The following SMAP1 variants were observed in gnomAD, a reference collection of about 807,000 sequenced individuals.
SMAP1 encodes the protein small ArfGAP 1, also known as stromal membrane-associated protein 1.
In SMAP1, 24 loss-of-function variants were observed where a neutral mutation model predicts 58.5. The observed-to-expected ratio is 0.41, with a 90% CI of 0.30 to 0.58. The LOEUF (loss-of-function observed/expected upper bound fraction) is 0.58, where lower values mean the gene tolerates loss of function less well. Among genes scored for constraint, SMAP1 ranks in the 20% least tolerant of loss-of-function variants. The pLI is 0.29. For missense variants in SMAP1, 563 were observed against 566.3 expected, an observed-to-expected ratio of 0.99 and a Z score of 0.06; for synonymous variants, 216 against 196.6, an observed-to-expected ratio of 1.10 and a Z score of -0.82.
chr6:70,733,341 T>A (rs1379286251), intron 2 of SMAP1, among the ~76,000 whole-genome samples: 2 of 152,196 alleles, frequency 1.3e-5, no homozygotes, highest in African/African-American at 4.8e-5. Flanking sequence ...GCATAATTTA[T>A]TTGGTTCCAT....
intron 3 of SMAP1, among the ~76,000 whole-genome samples, chr6:70,766,316 A>C (rs940010858): frequency 2.0e-5 from 3 of 152,314 alleles, no homozygotes; most frequent in African/African-American, 4.8e-5. Context: ...CTGAGGAATC[A>C]ACACACTGAC....
At chr6:70,699,325 C>T (rs1268440258) in intron 1 of SMAP1, among the ~76,000 whole-genome samples, 1 of 152,202 alleles carries the variant, frequency 6.6e-6, no homozygotes, top group East Asian at 1.9e-4. Flanking sequence ...GTGACCACCA[C>T]CACTGGGACT....
intron 3 of SMAP1, among the ~76,000 whole-genome samples, chr6:70,770,181 A>G (rs1767212344): frequency 6.6e-6 from 1 of 150,872 alleles, no homozygotes; most frequent in Non-Finnish European, 1.5e-5. Flanking sequence ...TGCCCTTAAC[A>G]TTTTTTCCTG....
intron 7 of SMAP1, among the ~76,000 whole-genome samples, chr6:70,850,166 A>T (rs1771130666): frequency 6.6e-6 from 1 of 152,332 alleles, no homozygotes; most frequent in East Asian, 1.9e-4. Flanking sequence ...ACAGTTTATA[A>T]AAGTAATAAG....
chr6:70,780,010 A>G (rs1234293608), intron 4 of SMAP1, among the ~76,000 whole-genome samples: 1 of 152,032 alleles, frequency 6.6e-6, no homozygotes, highest in Non-Finnish European at 1.5e-5. Context: ...AAGTGAGTTG[A>G]TGTACTTCAA....
intron 1 of SMAP1, among the ~76,000 whole-genome samples, chr6:70,680,518 G>A (rs1257076866): frequency 6.6e-6 from 1 of 152,014 alleles, no homozygotes; most frequent in African/African-American, 2.4e-5. Context: ...ATTCATAATA[G>A]CCAAACACTG....
At chr6:70,740,200 C>T (rs1765757729) in intron 2 of SMAP1, among the ~76,000 whole-genome samples, 2 of 152,100 alleles carry the variant, frequency 1.3e-5, no homozygotes, top group Non-Finnish European at 2.9e-5. Context: ...AGGAGGAAGT[C>T]CTATTCAAGA....
intron 3 of SMAP1, 53 bp downstream of exon 3, chr6:70,755,118 A>G: frequency 1.5e-6 from 2 of 1,361,846 alleles, no homozygotes; most frequent in Non-Finnish European, 2.1e-6. Flanking sequence ...ACTCATTTTT[A>G]CAGTTCATAT....
intron 6 of SMAP1, among the ~76,000 whole-genome samples, chr6:70,811,714 A>G (rs1015038969): frequency 6.6e-6 from 1 of 152,156 alleles, no homozygotes; most frequent in Non-Finnish European, 1.5e-5. Flanking sequence ...AATACAGTAC[A>G]ATGCCTGCAG....
chr6:70,731,867 C>T (rs1335334068), intron 1 of SMAP1, among the ~76,000 whole-genome samples: 1 of 152,112 alleles, frequency 6.6e-6, no homozygotes, highest in Non-Finnish European at 1.5e-5. Context: ...ACCAGTGAGA[C>T]TGTGCATATT....
intron 2 of SMAP1, chr6:70,735,013 G>A (rs1478251229): frequency 2.6e-5 from 4 of 152,990 alleles, no homozygotes; most frequent in Non-Finnish European, 4.4e-5. Context: ...TGATACTGGT[G>A]AGTGTCTGGA....
At chr6:70,788,314 G>T (rs183536496) in intron 4 of SMAP1, among the ~76,000 whole-genome samples, 3 of 105,974 alleles carry the variant, frequency 2.8e-5, no homozygotes, top group Admixed American at 1.2e-4. Context: ...GTGGGGGGAG[G>T]GGGGAGGGAT....
chr6:70,852,690 A>G (rs375035690), intron 8 of SMAP1, 26 bp downstream of exon 8: 2 of 1,532,994 alleles, frequency 1.3e-6, no homozygotes, highest in East Asian at 2.4e-5. Flanking sequence ...ATGGTTTTAT[A>G]TGGTCACTGC....
intron 6 of SMAP1, among the ~76,000 whole-genome samples, chr6:70,810,640 G>A (rs1769346317): frequency 6.6e-6 from 1 of 152,086 alleles, no homozygotes; most frequent in African/African-American, 2.4e-5. Flanking sequence ...GCAGTGGTGT[G>A]ATCATAGCTC....
At position 70,668,053 on chromosome 6, in the gene SMAP1, T is replaced by A. The variant is rs17694576; in HGVS notation, c.30T>A (p.Ala10=). MATRSCREK[A]QKLNEQHQLI... ...CGACGCGCTCCTGTCGGGAGAAGGC[T>A]CAGAAGCTGAACGAGCAGCACCAGC... The change falls in exon 1 of 11, where the codon GCT becomes GCA. Residue 10 remains alanine (A), a synonymous_variant. Transcript: ENST00000370455. The A allele has an allele frequency of 2.2e-5, 36 of 1,603,318 alleles. No individual in the cohort carries two copies. Among genetic ancestry groups the A allele is most frequent in the Non-Finnish European group, 3.1e-5 (36 of 1,175,846 alleles).
intron 1 of SMAP1, among the ~76,000 whole-genome samples, chr6:70,692,184 C>G (rs1484711441): frequency 6.6e-6 from 1 of 152,160 alleles, no homozygotes; most frequent in Non-Finnish European, 1.5e-5. Flanking sequence ...CTCTGATAAT[C>G]AGTGATGTTG....
intron 6 of SMAP1, among the ~76,000 whole-genome samples, chr6:70,801,746 T>A (rs915412173): frequency 6.6e-6 from 1 of 152,236 alleles, no homozygotes; most frequent in Non-Finnish European, 1.5e-5. Flanking sequence ...TAGCCAGTTT[T>A]CCCAGCACCA....
chr6:70,693,181 A>T (rs905624515), intron 1 of SMAP1, among the ~76,000 whole-genome samples: 1 of 151,756 alleles, frequency 6.6e-6, no homozygotes, highest in Non-Finnish European at 1.5e-5. Context: ...GAAGATCTGT[A>T]GTATAATTTG....
chr6:70,834,638 C>T (rs1770496539), intron 6 of SMAP1, among the ~76,000 whole-genome samples: 1 of 152,130 alleles, frequency 6.6e-6, no homozygotes, highest in Non-Finnish European at 1.5e-5. Context: ...AATGAAGACC[C>T]ACCCCAGGAA....
Sources: gnomAD v4.1 joint callset for allele counts (sites outside exome capture counted in the v4.1 genomes callset) on GRCh38, gnomAD v4.1.1 for gene constraint, MANE v1.5 for transcripts, NCBI Gene and HGNC (gene_info 2026-07-23, HGNC 2026-07-21) for gene names.